RAB22A: variants seen among roughly 807,000 people sequenced by gnomAD.
RAB22A encodes the protein ras-related protein Rab-22A.
RAB22A carries 13 observed loss-of-function variants against 30.2 expected under a neutral mutation model. The observed-to-expected ratio is 0.43, with a 90% confidence interval of 0.28 to 0.68. The LOEUF (loss-of-function observed/expected upper bound fraction) is 0.68, where lower values mean the gene tolerates loss of function less well. RAB22A is among the 30% of genes least tolerant of loss of function. The pLI, the probability that RAB22A is intolerant of heterozygous loss-of-function variation, is 0.18. For missense variants in RAB22A, 177 were observed against 246.8 expected (o/e 0.72, Z 1.89); for synonymous variants, 89 against 87.2 (o/e 1.02, Z -0.11).
intron 6 of RAB22A, among the ~76,000 whole-genome samples, chr20:58,355,468 A>G (rs1987115392): frequency 6.6e-6 from 1 of 152,138 alleles, no homozygotes; most frequent in Admixed American, 6.5e-5. Context: ...GCTGCCAGAT[A>G]TGGCCAGTGA....
chr20:58,358,143 C>G (rs780070356), intron 6 of RAB22A, among the ~76,000 whole-genome samples: 1 of 152,228 alleles, frequency 6.6e-6, no homozygotes, highest in Non-Finnish European at 1.5e-5. Flanking sequence ...GTCAGGAAAG[C>G]CTTTGTACAA....
At chr20:58,343,078 G>T (rs1986883128) in intron 2 of RAB22A, among the ~76,000 whole-genome samples, 1 of 152,102 alleles carries the variant, frequency 6.6e-6, no homozygotes, top group African/African-American at 2.4e-5. Context: ...TCCCATCCGG[G>T]GCTCGATGAG....
Position 58,353,308 on chromosome 20 carries a change from G to A in RAB22A, c.234G>A (p.Ser78=), listed in dbSNP as rs138911578. ...RALAPMYYRG[S]AAAIIVYDIT... is the part of the protein sequence containing the mutation. Reference sequence around the variant, plus strand: ...TAGCACCAATGTACTATCGAGGGTCGGCTGCAGCTATAATCGTTTATGATA... The same window carrying A: ...TAGCACCAATGTACTATCGAGGGTCAGCTGCAGCTATAATCGTTTATGATA... Residue 78 remains serine, a synonymous_variant, in exon 4 of 7, where the codon TCG becomes TCA. Transcript: ENST00000244040. The A allele has an allele frequency of 5.9e-4, 955 of 1,613,988 alleles. 6 individuals carry two copies. The African/African-American group carries it at 0.011, about 18-fold the overall frequency.
chr20:58,356,732 C>G (rs890827636), intron 6 of RAB22A, among the ~76,000 whole-genome samples: 2 of 152,190 alleles, frequency 1.3e-5, no homozygotes, highest in African/African-American at 4.8e-5. Context: ...TAAAAACACT[C>G]TGTTTCCTCT....
intron 6 of RAB22A, 138 bp downstream of exon 6, chr20:58,354,403 T>A: frequency 1.7e-6 from 1 of 591,302 alleles, no homozygotes. Context: ...TTGGAGAAGG[T>A]AAGAGTAATG....
chr20:58,357,882 C>T (rs1987158112), intron 6 of RAB22A, among the ~76,000 whole-genome samples: 1 of 152,216 alleles, frequency 6.6e-6, no homozygotes, highest in Non-Finnish European at 1.5e-5. Context: ...CCATCTTAGC[C>T]TTGTTAATGT....
At chr20:58,354,031 G>A (rs1987095232) in intron 5 of RAB22A, 125 bp from the exon 6 acceptor site, 1 of 611,916 alleles carries the variant, frequency 1.6e-6, no homozygotes, top group Non-Finnish European at 2.9e-6. Context: ...CCATGTCTCA[G>A]GGCCCATCCA....
chr20:58,335,945 G>T (rs1986743266), intron 2 of RAB22A, among the ~76,000 whole-genome samples: 1 of 152,016 alleles, frequency 6.6e-6, no homozygotes, highest in Non-Finnish European at 1.5e-5. Context: ...TCCTATCTTT[G>T]TCCAGGATCA....
intron 6 of RAB22A, among the ~76,000 whole-genome samples, chr20:58,356,938 T>C (rs1987139536): frequency 6.6e-6 from 1 of 152,212 alleles, no homozygotes; most frequent in Admixed American, 6.5e-5. Context: ...TGGGTAGCTG[T>C]TTCCAATTTA....
rs975079277 is a variant in RAB22A at position 58,364,293 on chromosome 20, G to A, written c.*4590G>A. Reference sequence around the variant, plus strand: ...GAAAATGATTTACCTTCCAGATCTCGAAGGACTTCCAATAGCATAGATCAG... The same window carrying A: ...GAAAATGATTTACCTTCCAGATCTCAAAGGACTTCCAATAGCATAGATCAG... On this transcript the variant is annotated 3_prime_UTR_variant, in exon 7 of 7. Coordinates refer to ENST00000244040, the MANE Select transcript of RAB22A (RefSeq NM_020673.3). 5.9e-5 allele frequency: 9 copies of A among 152,112 alleles called. No individual in the cohort carries two copies. The highest frequency in any genetic ancestry group is 1.7e-4 in the African/African-American group (7 of 41,416). The allele number at this position is 152,112 out of a possible 1,614,324, so 9.4% of individuals were successfully genotyped here.
intron 2 of RAB22A, among the ~76,000 whole-genome samples, chr20:58,337,484 G>T (rs746638723): frequency 6.6e-6 from 1 of 152,100 alleles, no homozygotes; most frequent in Non-Finnish European, 1.5e-5. Context: ...TGAGGTTAAG[G>T]TGCAGATCCT....
chr20:58,350,606 C>T (rs920013451), intron 3 of RAB22A, among the ~76,000 whole-genome samples: 1 of 152,152 alleles, frequency 6.6e-6, no homozygotes, highest in African/African-American at 2.4e-5. Flanking sequence ...TACACATAAA[C>T]GCCGGAGACC....
At chr20:58,329,076 C>T (rs1401094201) in intron 2 of RAB22A, among the ~76,000 whole-genome samples, 5 of 133,908 alleles carry the variant, frequency 3.7e-5, no homozygotes, top group African/African-American at 1.2e-4. Context: ...TTTTTTGAGG[C>T]AGAGCCTCAT....
intron 2 of RAB22A, among the ~76,000 whole-genome samples, chr20:58,339,957 C>T (rs761984682): frequency 1.2e-4 from 19 of 152,288 alleles, no homozygotes; most frequent in Non-Finnish European, 2.5e-4. Flanking sequence ...CTCCCCCTCC[C>T]ATGTCTCACC....
intron 2 of RAB22A, among the ~76,000 whole-genome samples, chr20:58,331,453 A>G (rs1016086988): frequency 4.6e-5 from 7 of 152,242 alleles, no homozygotes; most frequent in African/African-American, 1.7e-4. Context: ...ATAGACGCTC[A>G]GTAAAAAATT....
At chr20:58,330,181 G>T (rs995550393) in intron 2 of RAB22A, among the ~76,000 whole-genome samples, 1 of 151,982 alleles carries the variant, frequency 6.6e-6, no homozygotes, top group Non-Finnish European at 1.5e-5. Flanking sequence ...TTTTATTCGT[G>T]GGGGGTCCTG....
chr20:58,332,628 T>C (rs952348465), intron 2 of RAB22A, among the ~76,000 whole-genome samples: 18 of 152,182 alleles, frequency 1.2e-4, no homozygotes, highest in Non-Finnish European at 1.8e-4. Flanking sequence ...TGTAAGGTGC[T>C]GTCAGTTTCA....
At chr20:58,335,637 A>G (rs551580787) in intron 2 of RAB22A, among the ~76,000 whole-genome samples, 3 of 152,366 alleles carry the variant, frequency 2.0e-5, no homozygotes, top group East Asian at 1.9e-4. Context: ...GCTAAGATCA[A>G]ACTTCCAGGG....
chr20:58,352,006 A>G (rs1490468400), intron 3 of RAB22A, among the ~76,000 whole-genome samples: 4 of 152,186 alleles, frequency 2.6e-5, no homozygotes, highest in Admixed American at 6.5e-5. Context: ...TAATAAACAA[A>G]AGAGACCCAT....
Sources: gnomAD v4.1 joint callset for allele counts (sites outside exome capture counted in the v4.1 genomes callset) on GRCh38, gnomAD v4.1.1 for gene constraint, MANE v1.5 for transcripts, NCBI Gene and HGNC (gene_info 2026-07-23, HGNC 2026-07-21) for gene names.